The following FAS variants were observed in gnomAD, a reference collection of about 807,000 sequenced individuals.
The protein encoded by FAS is Fas cell surface death receptor, also known as tumor necrosis factor receptor superfamily member 6.
A neutral mutation model predicts 33.2 loss-of-function variants in FAS; 5 were observed. The ratio of observed to expected loss-of-function variants is 0.15; its 90% CI spans 0.08 to 0.32. The LOEUF (loss-of-function observed/expected upper bound fraction) is 0.32. FAS is among the 10% of genes least tolerant of loss of function. The probability of loss-of-function intolerance (pLI) is 1.00; values close to 1 mark genes in which losing one functional copy is unlikely to be tolerated. For missense variants in FAS, 339 were observed against 386.0 expected (o/e 0.88, Z 1.02); for synonymous variants, 131 against 130.7 (o/e 1.00, Z -0.01).
At chr10:88,993,605 A>G (rs1431335850) in intron 1 of FAS, among the ~76,000 whole-genome samples, 11 of 152,242 alleles carry the variant, frequency 7.2e-5, no homozygotes, top group Non-Finnish European at 1.3e-4. Context: ...GGCCTTTGGA[A>G]AATAAAGCTG....
chr10:89,011,907 C>T lies in FAS; in HGVS notation c.569-92C>T. ...AAGTTTCACTGAATTTCTCCTTTTT[C>T]CTTCTTATATTTCTCTTAGTGTGAA... On this transcript the variant is annotated intron_variant, in intron 6 of 8. Coordinates refer to ENST00000652046, the MANE Select transcript of FAS (RefSeq NM_000043.6). The T allele has an allele frequency of 6.7e-6, 8 of 1,188,656 alleles. No individual in the cohort carries two copies. In the Admixed American group the frequency reaches 7.8e-5, roughly 12 times the overall value. 73.6% of individuals were successfully genotyped at this position (1,188,656 alleles called of 1,614,324 possible). A position where few individuals can be genotyped will look rare whatever the true frequency, so the allele number is the denominator to read the frequency against.
intron 1 of FAS, chr10:88,992,292 T>A (rs1847284736): frequency 6.6e-6 from 1 of 152,224 alleles, no homozygotes; most frequent in South Asian, 2.1e-4. Context: ...AGAAAATTAA[T>A]GATTCAAGAT....
chr10:88,975,934 TC>T (rs1224764307), intron 2 of FAS, among the ~76,000 whole-genome samples: 1 of 152,204 alleles, frequency 6.6e-6, no homozygotes, highest in Non-Finnish European at 1.5e-5. Context: ...CAAATTTCTT[TC>T]CTCTTCATTT....
At position 89,013,327 on chromosome 10, in the gene FAS, A is replaced by AT; in HGVS notation, c.652-10dup. On this transcript the variant is annotated splice_polypyrimidine_tract_variant and intron_variant, in intron 7 of 8. Transcript: ENST00000652046. ...TTTTTATTTGTCTTTCTCTGCTTCC[A>AT]TTTTTTGCTTTCTAGGAAACAGTGG... The AT allele has an allele frequency of 6.2e-7, 1 of 1,609,588 alleles. No individual in the cohort carries two copies. The highest frequency in any genetic ancestry group is 8.5e-7 in the Non-Finnish European group (1 of 1,177,384).
chr10:88,994,410 A>G (rs1427892691), intron 1 of FAS, among the ~76,000 whole-genome samples: 1 of 152,240 alleles, frequency 6.6e-6, no homozygotes, highest in East Asian at 1.9e-4. Flanking sequence ...CTATTTACTT[A>G]TGATGAAAAA....
upstream of FAS, among the ~76,000 whole-genome samples, chr10:88,988,429 T>G (rs944379421): frequency 3.0e-5 from 1 of 32,796 alleles, no homozygotes; most frequent in Non-Finnish European, 6.3e-5. Flanking sequence ...TTTTTTTTTT[T>G]TTGTTTTGTT....
rs1848764696 is a variant in FAS, at chr10:89,015,541, T to C, written c.*1091T>C. The C allele has an allele frequency of 1.9e-6, 1 of 534,292 alleles. No homozygotes were observed. The allele number at this position is 534,292 out of a possible 1,614,324, so 33.1% of individuals were successfully genotyped here. On this transcript the variant is annotated 3_prime_UTR_variant, in exon 9 of 9. Coordinates refer to ENST00000652046, the MANE Select transcript of FAS (RefSeq NM_000043.6). ...ATTGCTCTTGTCATACCCCCAAGTTTCTAAGATTTAAGATTCTCCTTACTA... is the reference window on the plus strand; with the variant it reads ...ATTGCTCTTGTCATACCCCCAAGTTCCTAAGATTTAAGATTCTCCTTACTA...
At chr10:88,995,124 C>T (rs1375973638) in intron 1 of FAS, among the ~76,000 whole-genome samples, 1 of 151,914 alleles carries the variant, frequency 6.6e-6, no homozygotes, top group Non-Finnish European at 1.5e-5. Flanking sequence ...GGAAAAATAA[C>T]ATTTAATAAA....
chr10:88,999,824 G>A (rs1847827405), intron 1 of FAS, among the ~76,000 whole-genome samples: 1 of 152,136 alleles, frequency 6.6e-6, no homozygotes. Flanking sequence ...TTTTTGACAT[G>A]GGAATCTATC....
chr10:88,964,171 G>T (rs961174294), intron 1 of FAS, among the ~76,000 whole-genome samples: 2 of 151,558 alleles, frequency 1.3e-5, no homozygotes, highest in African/African-American at 2.4e-5. Flanking sequence ...GCATTGTATG[G>T]GAGGAAAAAA....
At chr10:89,003,638 CA>C (rs1348319548) in intron 2 of FAS, among the ~76,000 whole-genome samples, 1 of 152,098 alleles carries the variant, frequency 6.6e-6, no homozygotes, top group Non-Finnish European at 1.5e-5. Context: ...CTGAAGCCTG[CA>C]AAATATATTT....
At chr10:88,970,827 C>G (rs902500383) in intron 1 of FAS, among the ~76,000 whole-genome samples, 4 of 151,884 alleles carry the variant, frequency 2.6e-5, no homozygotes, top group Admixed American at 2.6e-4. Context: ...ATGTAACAAA[C>G]CTGCACGTTG....
intron 1 of FAS, among the ~76,000 whole-genome samples, chr10:88,964,303 C>A (rs1846285093): frequency 6.6e-6 from 1 of 151,952 alleles, no homozygotes; most frequent in South Asian, 2.1e-4. Context: ...TGGGAGATAC[C>A]CAGGGAATGA....
intron 6 of FAS, among the ~76,000 whole-genome samples, chr10:89,011,316 G>A (rs1848517684): frequency 6.6e-6 from 1 of 152,134 alleles, no homozygotes; most frequent in Admixed American, 6.5e-5. Context: ...CAGTAGAAAA[G>A]CCAAAATTAG....
At chr10:89,007,671 A>T (rs1245550099) in intron 2 of FAS, 29 bp from the exon 3 acceptor site, 1 of 1,613,116 alleles carries the variant, frequency 6.2e-7, no homozygotes, top group Admixed American at 1.7e-5. Context: ...TGTCCTGTTC[A>T]AACACTTGCT....
intron 2 of FAS, among the ~76,000 whole-genome samples, chr10:89,004,013 G>C (rs372678706): frequency 6.6e-6 from 1 of 152,068 alleles, no homozygotes; most frequent in Non-Finnish European, 1.5e-5. Flanking sequence ...TTTAATAACC[G>C]TTATGGAAAA....
At chr10:88,999,164 T>TA (rs1457611221) in intron 1 of FAS, among the ~76,000 whole-genome samples, 2 of 130,184 alleles carry the variant, frequency 1.5e-5, no homozygotes, top group Middle Eastern at 3.8e-3. Flanking sequence ...AAAAAATAAA[T>TA]AAATAAATAA....
intron 2 of FAS, among the ~76,000 whole-genome samples, chr10:88,978,290 C>A (rs1274633356): frequency 6.9e-6 from 1 of 145,316 alleles, no homozygotes; most frequent in African/African-American, 2.6e-5. Flanking sequence ...GGGAGATATA[C>A]CTAATGCTAG....
Position 89,009,050 on chromosome 10 carries a change from C to A in FAS, c.443+53C>A, listed in dbSNP as rs944249882. ...ACACTAGATATAACATGAGAGTTAT[C>A]ATTTTCCTAGGGAAGTAACACTGAC... On this transcript the variant is annotated intron_variant, in intron 4 of 8. Coordinates refer to ENST00000652046, the MANE Select transcript of FAS (RefSeq NM_000043.6). 39 of 1,462,890 alleles carry A rather than the reference C, an allele frequency of 2.7e-5. No homozygotes were observed. The Admixed American group carries it at 6.2e-4, about 23-fold the overall frequency. The allele number at this position is 1,462,890 out of a possible 1,614,324, so 90.6% of individuals were successfully genotyped here.
Sources: gnomAD v4.1 joint callset for allele counts (sites outside exome capture counted in the v4.1 genomes callset) on GRCh38, gnomAD v4.1.1 for gene constraint, MANE v1.5 for transcripts, NCBI Gene and HGNC (gene_info 2026-07-23, HGNC 2026-07-21) for gene names.